The following TMEM244 variants were observed in gnomAD, a reference collection of about 807,000 sequenced individuals.
TMEM244 encodes putative transmembrane protein 244.
In TMEM244, 13 loss-of-function variants were observed where a neutral mutation model predicts 15.8. The observed-to-expected ratio is 0.82, with a 90% CI of 0.53 to 1.30. The LOEUF (loss-of-function observed/expected upper bound fraction) is 1.30. Ranked by LOEUF, TMEM244 falls within the 50% of genes most tolerant of loss-of-function variation. The pLI is 0.00. For synonymous variants in TMEM244, 45 were observed against 48.7 expected, an observed-to-expected ratio of 0.92 and a Z score of 0.32; for missense variants, 161 against 144.9, an observed-to-expected ratio of 1.11 and a Z score of -0.57.
chr6:129,846,586 A>AGGGT (rs1776563712), intron 1 of TMEM244, among the ~76,000 whole-genome samples: 1 of 152,186 alleles, frequency 6.6e-6, no homozygotes, highest in Admixed American at 6.5e-5. Context: ...TCACTGGAAC[A>AGGGT]AACTTCCTAA....
chr6:129,851,117 T>C (rs545522760), intron 1 of TMEM244, among the ~76,000 whole-genome samples: 1 of 152,266 alleles, frequency 6.6e-6, no homozygotes, highest in African/African-American at 2.4e-5. Context: ...ACTTGGAAAC[T>C]GAGACAAAGA....
chr6:129,846,611 A>G (rs183470845), intron 1 of TMEM244, among the ~76,000 whole-genome samples: 1 of 152,290 alleles, frequency 6.6e-6, no homozygotes, highest in East Asian at 1.9e-4. Flanking sequence ...CAATATTTGT[A>G]TTTTAACTTG....
At chr6:129,853,161 T>A (rs1388070324) in intron 1 of TMEM244, among the ~76,000 whole-genome samples, 2 of 152,304 alleles carry the variant, frequency 1.3e-5, no homozygotes, top group African/African-American at 4.8e-5. Context: ...GTATATAAGA[T>A]CACCCGTGGG....
chr6:129,844,820 T>G (rs1776540842), intron 2 of TMEM244, among the ~76,000 whole-genome samples: 1 of 152,230 alleles, frequency 6.6e-6, no homozygotes. Flanking sequence ...ATAACATTCT[T>G]TCCATTGCAA....
intron 3 of TMEM244, among the ~76,000 whole-genome samples, chr6:129,834,964 A>C (rs1776382573): frequency 1.3e-5 from 2 of 152,214 alleles, no homozygotes; most frequent in Admixed American, 6.5e-5. Context: ...TTAGTCTTGT[A>C]CAAGCTGCAT....
intron 2 of TMEM244, among the ~76,000 whole-genome samples, chr6:129,845,407 T>C (rs1183851564): frequency 1.3e-5 from 2 of 152,226 alleles, no homozygotes; most frequent in Non-Finnish European, 2.9e-5. Flanking sequence ...GAAACAGTCC[T>C]AAGTGATTCT....
Position 129,861,164 on chromosome 6 carries a change from G to C in TMEM244, c.25C>G (p.Pro9Ala), listed in dbSNP as rs1321620222. The change falls in exon 1 of 5, where the codon CCA becomes GCA. Residue 9 changes from proline to alanine, a missense_variant. Physicochemically the swap from Pro to Ala is conservative, Grantham distance 27. Coordinates refer to ENST00000368143, the MANE Select transcript of TMEM244 (RefSeq NM_001010876.2). MALQVRVAPSKVVLQKFLL... is the reference protein window; with the variant it reads MALQVRVAASKVVLQKFLL... ...AAGTAATTTCTCTTTACCTTGCTTG[G>C]AGCAACTCTGACCTGGAGAGCCATG... 2 of 1,613,796 alleles carry C rather than the reference G, an allele frequency of 1.2e-6. No homozygotes were observed. The highest frequency in any genetic ancestry group is 1.7e-6 in the Non-Finnish European group (2 of 1,179,762).
At chr6:129,848,760 AT>A (rs2114642126) in intron 1 of TMEM244, among the ~76,000 whole-genome samples, 1 of 152,284 alleles carries the variant, frequency 6.6e-6, no homozygotes, top group East Asian at 1.9e-4. Context: ...TTTAAGAGTC[AT>A]GTGTCTTTGG....
intron 3 of TMEM244, among the ~76,000 whole-genome samples, chr6:129,838,859 C>G (rs370601774): frequency 6.6e-6 from 1 of 152,152 alleles, no homozygotes; most frequent in African/African-American, 2.4e-5. Context: ...GACACATACA[C>G]CCTCCCAAGA....
intron 1 of TMEM244, among the ~76,000 whole-genome samples, chr6:129,853,846 A>G (rs1776668313): frequency 6.6e-6 from 1 of 152,210 alleles, no homozygotes; most frequent in Admixed American, 6.5e-5. Context: ...TCAGAGCTTA[A>G]GTGGAGCCTG....
intron 1 of TMEM244, among the ~76,000 whole-genome samples, chr6:129,850,993 G>A (rs769768491): frequency 2.5e-4 from 38 of 152,052 alleles, no homozygotes; most frequent in Non-Finnish European, 3.8e-4. Context: ...ATTCCTATGT[G>A]ACCATCACTG....
intron 1 of TMEM244, among the ~76,000 whole-genome samples, chr6:129,848,609 G>A (rs1357223153): frequency 1.3e-5 from 2 of 152,148 alleles, no homozygotes; most frequent in East Asian, 1.9e-4. Flanking sequence ...ATGTAGAGGT[G>A]TTGCCTGAGT....
intron 1 of TMEM244, among the ~76,000 whole-genome samples, chr6:129,849,343 T>C (rs888725444): frequency 2.5e-4 from 37 of 148,188 alleles, no homozygotes; most frequent in African/African-American, 9.2e-4. Context: ...CATTTGCTTT[T>C]AGTATTTTCT....
intron 1 of TMEM244, among the ~76,000 whole-genome samples, chr6:129,854,930 A>G (rs758568430): frequency 4.6e-5 from 7 of 152,194 alleles, no homozygotes; most frequent in East Asian, 3.8e-4. Flanking sequence ...TTCATATTCA[A>G]TATCTGCTCA....
At chr6:129,855,901 C>T (rs1401664549) in intron 1 of TMEM244, among the ~76,000 whole-genome samples, 1 of 151,932 alleles carries the variant, frequency 6.6e-6, no homozygotes, top group East Asian at 1.9e-4. Flanking sequence ...ATATCCTGTT[C>T]CCCCAAAATT....
rs9483069 is a variant in TMEM244 at position 129,848,900 on chromosome 6, G to A, written c.34-3048C>T. On this transcript the variant is annotated intron_variant, in intron 1 of 4. Coordinates refer to ENST00000368143, the MANE Select transcript of TMEM244 (RefSeq NM_001010876.2). ...TCCAAAATAAGATGAATAATACATA[G>A]TCTCTATATTAGTATGTATTTTCAA... Among the ~76,000 whole-genome samples, 962 of 152,126 alleles carry A rather than the reference G, an allele frequency of 6.3e-3. 16 individuals are homozygous for A. Among genetic ancestry groups the A allele is most frequent in the African/African-American group, 0.022 (924 of 41,528 alleles).
At chr6:129,843,336 T>C (rs375014021) in intron 3 of TMEM244, among the ~76,000 whole-genome samples, 194 bp downstream of exon 3, 58 of 152,236 alleles carry the variant, frequency 3.8e-4, no homozygotes, top group African/African-American at 1.3e-3. Flanking sequence ...ACTTATTCCA[T>C]ATTACTCCAC....
chr6:129,839,188 T>C (rs1244120906), intron 3 of TMEM244, among the ~76,000 whole-genome samples: 2 of 152,200 alleles, frequency 1.3e-5, no homozygotes, highest in African/African-American at 4.8e-5. Context: ...AGTAAAATAC[T>C]GTCAAACCGA....
chr6:129,835,339 A>C (rs1471210149), intron 3 of TMEM244, among the ~76,000 whole-genome samples: 3 of 150,568 alleles, frequency 2.0e-5, no homozygotes, highest in Non-Finnish European at 4.5e-5. Flanking sequence ...TTGAAGTTAC[A>C]ATGAGCTATG....
Sources: allele counts gnomAD v4.1 joint callset (sites outside exome capture counted in the v4.1 genomes callset), GRCh38; gene constraint gnomAD v4.1.1; transcripts MANE v1.5; gene names NCBI Gene and HGNC (gene_info 2026-07-23, HGNC 2026-07-21).